SLC9A9: variants seen among roughly 807,000 people sequenced by gnomAD.
SLC9A9 encodes sodium/hydrogen exchanger 9.
In SLC9A9, 62 loss-of-function variants were observed where a neutral mutation model predicts 77.8. That is an observed-to-expected ratio of 0.80 (90% CI 0.65 to 0.98). SLC9A9 has a LOEUF of 0.98. Among genes scored for constraint, SLC9A9 ranks in the 50% least tolerant of loss-of-function variants. SLC9A9 has a pLI of 0.00. For synonymous variants in SLC9A9, 320 were observed against 283.5 expected, an observed-to-expected ratio of 1.13 and a Z score of -1.29; for missense variants, 775 against 774.9, an observed-to-expected ratio of 1.00 and a Z score of 0.00.
chr3:143,621,584 GA>G (rs1367506254), intron 6 of SLC9A9, among the ~76,000 whole-genome samples: 2 of 152,154 alleles, frequency 1.3e-5, no homozygotes, highest in African/African-American at 4.8e-5. Flanking sequence ...CTAACAAACA[GA>G]AAGGACATCC....
intron 8 of SLC9A9, among the ~76,000 whole-genome samples, chr3:143,564,168 C>A (rs893719136): frequency 1.3e-5 from 2 of 152,186 alleles, no homozygotes; most frequent in Admixed American, 1.3e-4. Flanking sequence ...GGTCCGTTGT[C>A]TTCTAATATT....
intron 4 of SLC9A9, among the ~76,000 whole-genome samples, chr3:143,699,006 G>A (rs939059097): frequency 1.4e-4 from 22 of 152,180 alleles, no homozygotes; most frequent in Non-Finnish European, 5.9e-5. Flanking sequence ...AAAATATCAT[G>A]CCCTACTTAT....
intron 4 of SLC9A9, among the ~76,000 whole-genome samples, chr3:143,741,171 T>C (rs1935063483): frequency 6.6e-6 from 1 of 152,188 alleles, no homozygotes; most frequent in Admixed American, 6.5e-5. Flanking sequence ...GTAAAAGGAA[T>C]TAAGCTTCTT....
chr3:143,439,483 G>A (rs1013777892), intron 12 of SLC9A9, among the ~76,000 whole-genome samples: 4 of 152,182 alleles, frequency 2.6e-5, no homozygotes, highest in African/African-American at 9.7e-5. Context: ...TCACCACACT[G>A]AGCACCAGGT....
chr3:143,559,645 G>C (rs2037047767), intron 8 of SLC9A9, among the ~76,000 whole-genome samples: 1 of 151,894 alleles, frequency 6.6e-6, no homozygotes, highest in Non-Finnish European at 1.5e-5. Flanking sequence ...TTCTCAATAA[G>C]TGAAGACAAG....
At chr3:143,814,131 T>C (rs764777682) in intron 2 of SLC9A9, among the ~76,000 whole-genome samples, 2 of 152,180 alleles carry the variant, frequency 1.3e-5, no homozygotes, top group Non-Finnish European at 2.9e-5. Context: ...AAGGAACCTA[T>C]GTTTCTGCAC....
chr3:143,395,894 A>G (rs1413268760), intron 12 of SLC9A9, among the ~76,000 whole-genome samples: 1 of 152,226 alleles, frequency 6.6e-6, no homozygotes, highest in Non-Finnish European at 1.5e-5. Context: ...CAAAACCACA[A>G]TGAGATACCA....
chr3:143,399,443 G>A lies in SLC9A9; in HGVS notation c.1470-17329C>T, dbSNP rs149473220. Reference sequence around the variant, plus strand: ...TCATGGTTAACACTAGAATTATATTGAAAACTGCACCTTGATTTTGGAATC... The same window carrying A: ...TCATGGTTAACACTAGAATTATATTAAAAACTGCACCTTGATTTTGGAATC... On this transcript the variant is annotated intron_variant, in intron 12 of 15. Transcript: ENST00000316549. 2.2e-4 allele frequency among the ~76,000 whole-genome samples: 33 copies of A among 152,214 alleles called. No homozygotes were observed. The East Asian group carries it at 3.3e-3, about 15-fold the overall frequency.
chr3:143,496,618 C>T (rs559434122), intron 9 of SLC9A9, among the ~76,000 whole-genome samples: 2 of 152,320 alleles, frequency 1.3e-5, no homozygotes, highest in Non-Finnish European at 2.9e-5. Flanking sequence ...CAGCCATCAT[C>T]AATTATCCTG....
chr3:143,320,173 T>C (rs1423103120), intron 14 of SLC9A9, among the ~76,000 whole-genome samples: 2 of 152,216 alleles, frequency 1.3e-5, no homozygotes, highest in Non-Finnish European at 2.9e-5. Context: ...CACCAATGGT[T>C]CCACGAGGGC....
At chr3:143,750,999 T>C (rs1243569140) in intron 4 of SLC9A9, among the ~76,000 whole-genome samples, 1 of 152,230 alleles carries the variant, frequency 6.6e-6, no homozygotes, top group Non-Finnish European at 1.5e-5. Context: ...GTCTAAATGC[T>C]GGCTCTCCCC....
intron 14 of SLC9A9, among the ~76,000 whole-genome samples, chr3:143,320,679 C>CAT (rs2108445711): frequency 6.6e-6 from 1 of 152,364 alleles, no homozygotes; most frequent in South Asian, 2.1e-4. Flanking sequence ...AATCCCCTCC[C>CAT]ATCAGGCCCC....
chr3:143,760,431 G>A (rs1383011353), intron 4 of SLC9A9, among the ~76,000 whole-genome samples: 2 of 152,158 alleles, frequency 1.3e-5, no homozygotes, highest in Admixed American at 6.5e-5. Context: ...TGACATGATT[G>A]TATAGCTAGA....
intron 5 of SLC9A9, among the ~76,000 whole-genome samples, chr3:143,661,561 C>A (rs2038978768): frequency 6.6e-6 from 1 of 152,148 alleles, no homozygotes; most frequent in African/African-American, 2.4e-5. Context: ...ATTTTCTTCA[C>A]TCTCCTTTGT....
intron 12 of SLC9A9, among the ~76,000 whole-genome samples, chr3:143,452,719 TC>T (rs2035029483): frequency 7.2e-6 from 1 of 139,282 alleles, no homozygotes; most frequent in African/African-American, 2.6e-5. Context: ...ACTTTGGTTA[TC>T]TAAGAGAATG....
chr3:143,330,740 A>G lies in SLC9A9; in HGVS notation c.1604+32744T>C, dbSNP rs145582109. 6.8e-3 allele frequency among the ~76,000 whole-genome samples: 1,033 copies of G among 152,346 alleles called. 7 individuals carry two copies. Among genetic ancestry groups the G allele is most frequent in the African/African-American group, 0.024 (987 of 41,564 alleles). On this transcript the variant is annotated intron_variant, in intron 14 of 15. Transcript: ENST00000316549. ...TATCCCTTTGAATGTTTCAAATGTG[A>G]CTTTTAATTAAGCATATTAACCTGA...
At position 143,427,434 on chromosome 3, in the gene SLC9A9, G is replaced by T. The variant is rs558862206; in HGVS notation, c.1469+39603C>A. On this transcript the variant is annotated intron_variant, in intron 12 of 15. Transcript: ENST00000316549. ...TTCCTGTTGCATCAGGGCATCTCAT[G>T]TAGAGAAGCAAGTGATCTCCAATAA... Among the ~76,000 whole-genome samples, 16 of 152,336 alleles carry T rather than the reference G, an allele frequency of 1.1e-4. No homozygotes were observed. In the South Asian group the frequency reaches 3.1e-3, roughly 30 times the overall value.
rs1028392247 is a variant in SLC9A9, at chr3:143,423,026, T to C, written c.1470-40912A>G. On this transcript the variant is annotated intron_variant, in intron 12 of 15. Coordinates refer to ENST00000316549, the MANE Select transcript of SLC9A9 (RefSeq NM_173653.4). The stretch of plus-strand genomic sequence containing the variant: ...TTGAGCCTCCTAGTGGCACGCAATA[T>C]AGTAGAATGGTTAAGAACACAGGCT... Among the ~76,000 whole-genome samples the C allele has an allele frequency of 1.3e-5, 2 of 151,964 alleles. 1 individual carries two copies. The highest frequency in any genetic ancestry group is 1.3e-4 in the Admixed American group (2 of 15,268).
chr3:143,306,164 C>T (rs1209500174), intron 14 of SLC9A9, among the ~76,000 whole-genome samples: 1 of 152,088 alleles, frequency 6.6e-6, no homozygotes, highest in Non-Finnish European at 1.5e-5. Context: ...GCTAATGCAC[C>T]ATCAGGGAGG....
Sources: allele counts gnomAD v4.1 joint callset (sites outside exome capture counted in the v4.1 genomes callset), GRCh38; gene constraint gnomAD v4.1.1; transcripts MANE v1.5; gene names NCBI Gene and HGNC (gene_info 2026-07-23, HGNC 2026-07-21).